PTPRK: variants seen among roughly 807,000 people sequenced by gnomAD.
PTPRK encodes the protein receptor-type tyrosine-protein phosphatase kappa.
In PTPRK, 75 loss-of-function variants were observed where a neutral mutation model predicts 178.0. The observed-to-expected ratio is 0.42, with a 90% CI of 0.35 to 0.51. The LOEUF (loss-of-function observed/expected upper bound fraction) is 0.51, where lower values mean the gene tolerates loss of function less well. Ranked by LOEUF, PTPRK falls within the 20% of genes least tolerant of loss-of-function variation. The pLI is 0.02. For synonymous variants in PTPRK, 637 were observed against 620.6 expected (o/e 1.03, Z -0.39); for missense variants, 1,441 against 1,797.8 (o/e 0.80, Z 3.59).
intron 1 of PTPRK, among the ~76,000 whole-genome samples, chr6:128,470,242 C>A (rs1850434661): frequency 6.8e-6 from 1 of 146,876 alleles, no homozygotes; most frequent in African/African-American, 2.6e-5. Context: ...AGTTATTCAT[C>A]CTTGGGTCTC....
chr6:128,311,096 A>C (rs1827175717), intron 3 of PTPRK, among the ~76,000 whole-genome samples: 1 of 152,222 alleles, frequency 6.6e-6, no homozygotes, highest in Non-Finnish European at 1.5e-5. Context: ...CTTTTAAAAA[A>C]TATGAGTTTG....
Position 128,367,238 on chromosome 6 carries a change from G to C in PTPRK, c.223+30328C>G, listed in dbSNP as rs567975677. Among the ~76,000 whole-genome samples the C allele has an allele frequency of 2.0e-5, 3 of 152,166 alleles. No homozygotes were observed. The East Asian group carries it at 5.8e-4, about 29-fold the overall frequency. The stretch of plus-strand genomic sequence containing the variant: ...GCAGTTCTACTATATTCTGCATGCT[G>C]GTTTTCCAACACTGACAATTGGCGA... On this transcript the variant is annotated intron_variant, in intron 2 of 29. Transcript: ENST00000368226.
intron 1 of PTPRK, among the ~76,000 whole-genome samples, chr6:128,462,367 A>G (rs1191830424): frequency 6.6e-6 from 1 of 152,146 alleles, no homozygotes; most frequent in African/African-American, 2.4e-5. Flanking sequence ...AATCCAATAT[A>G]GCCAAAATAT....
intron 7 of PTPRK, among the ~76,000 whole-genome samples, chr6:128,171,672 C>G (rs1800278810): frequency 6.6e-6 from 1 of 151,914 alleles, no homozygotes; most frequent in African/African-American, 2.4e-5. Context: ...ATGAAGTAGA[C>G]ATTGATTTCT....
At chr6:128,466,109 C>G (rs781546977) in intron 1 of PTPRK, among the ~76,000 whole-genome samples, 2 of 152,134 alleles carry the variant, frequency 1.3e-5, no homozygotes, top group African/African-American at 4.8e-5. Flanking sequence ...ACTTGTTACT[C>G]AGTTGTTACT....
intron 3 of PTPRK, among the ~76,000 whole-genome samples, chr6:128,262,250 T>G (rs115467911): frequency 0.013 from 2,045 of 152,296 alleles, 46 homozygotes; most frequent in African/African-American, 0.047. Context: ...AGGTTTAAAA[T>G]GTGAGACAGC....
At chr6:128,398,044 G>T (rs1304781994) in intron 1 of PTPRK, among the ~76,000 whole-genome samples, 2 of 152,082 alleles carry the variant, frequency 1.3e-5, no homozygotes, top group Admixed American at 1.3e-4. Context: ...CTTGAACAAA[G>T]AATTGGACAA....
At chr6:128,490,228 G>A (rs1190248757) in intron 1 of PTPRK, among the ~76,000 whole-genome samples, 5 of 152,034 alleles carry the variant, frequency 3.3e-5, no homozygotes, top group African/African-American at 4.8e-5. Context: ...CTAAAACTGG[G>A]GAAAAAAATG....
intron 7 of PTPRK, among the ~76,000 whole-genome samples, chr6:128,150,767 T>A (rs1797131336): frequency 6.6e-6 from 1 of 152,160 alleles, no homozygotes; most frequent in African/African-American, 2.4e-5. Flanking sequence ...AAGACAGATT[T>A]AATGTCAAAT....
At chr6:128,258,991 G>A (rs1254948505) in intron 3 of PTPRK, among the ~76,000 whole-genome samples, 1 of 152,146 alleles carries the variant, frequency 6.6e-6, no homozygotes, top group Non-Finnish European at 1.5e-5. Flanking sequence ...CTAAGTTCCT[G>A]ATATCTGACA....
At chr6:128,436,500 A>G (rs1845617495) in intron 1 of PTPRK, among the ~76,000 whole-genome samples, 1 of 152,230 alleles carries the variant, frequency 6.6e-6, no homozygotes, top group South Asian at 2.1e-4. Context: ...CTTTCAGTAT[A>G]TACTGACACT....
chr6:128,275,991 C>CT (rs1820664008), intron 3 of PTPRK, among the ~76,000 whole-genome samples: 1 of 151,872 alleles, frequency 6.6e-6, no homozygotes, highest in Non-Finnish European at 1.5e-5. Flanking sequence ...ACTTTATAGA[C>CT]TTTTCCTATC....
chr6:128,087,743 T>C (rs185020784), intron 8 of PTPRK, among the ~76,000 whole-genome samples: 35 of 152,102 alleles, frequency 2.3e-4, no homozygotes, highest in African/African-American at 8.0e-4. Context: ...TAAATAAGTC[T>C]TAGGTTTATT....
intron 8 of PTPRK, among the ~76,000 whole-genome samples, chr6:128,085,891 C>T (rs1026780455): frequency 6.6e-6 from 1 of 152,162 alleles, no homozygotes; most frequent in East Asian, 1.9e-4. Flanking sequence ...AAGACACACA[C>T]AAACAGGTGA....
chr6:128,208,090 C>T (rs1807301879), intron 6 of PTPRK, among the ~76,000 whole-genome samples: 1 of 151,984 alleles, frequency 6.6e-6, no homozygotes, highest in African/African-American at 2.4e-5. Context: ...CTTTACCATG[C>T]ATCAACCAGT....
chr6:128,176,626 T>C (rs976833446), intron 7 of PTPRK, among the ~76,000 whole-genome samples: 1 of 151,794 alleles, frequency 6.6e-6, no homozygotes, highest in Non-Finnish European at 1.5e-5. Flanking sequence ...ATTCACTCAT[T>C]TGCTTTTTCC....
chr6:128,234,980 G>A (rs557066196), intron 5 of PTPRK, among the ~76,000 whole-genome samples: 1 of 152,176 alleles, frequency 6.6e-6, no homozygotes, highest in African/African-American at 2.4e-5. Context: ...ACAATTTATT[G>A]TATATTTCAA....
intron 25 of PTPRK, among the ~76,000 whole-genome samples, chr6:127,979,274 CAAAAAG>C (rs1303627904): frequency 6.6e-6 from 1 of 150,784 alleles, no homozygotes; most frequent in Non-Finnish European, 1.5e-5. Flanking sequence ...GAGCTTGTCT[CAAAAAG>C]AAAAAGAAAA....
intron 12 of PTPRK, among the ~76,000 whole-genome samples, chr6:128,066,351 T>G (rs1286753128): frequency 6.6e-6 from 1 of 152,116 alleles, no homozygotes; most frequent in African/African-American, 2.4e-5. Context: ...GGAGCACATC[T>G]TAGAAGATGC....
Sources: gnomAD v4.1 joint callset for allele counts (sites outside exome capture counted in the v4.1 genomes callset) on GRCh38, gnomAD v4.1.1 for gene constraint, MANE v1.5 for transcripts, NCBI Gene and HGNC (gene_info 2026-07-23, HGNC 2026-07-21) for gene names.